WNK1: variants seen among roughly 807,000 people sequenced by gnomAD.
The protein encoded by WNK1 is WNK lysine deficient protein kinase 1.
Under a neutral mutation model 222.8 loss-of-function variants are expected in WNK1, and 38 were observed. The observed-to-expected ratio is 0.17, with a 90% CI of 0.13 to 0.22. The LOEUF is 0.22. Among genes scored for constraint, WNK1 ranks in the 10% least tolerant of loss-of-function variants. The pLI is 1.00. For missense variants in WNK1, 2,348 were observed against 2,918.4 expected, an observed-to-expected ratio of 0.80 and a Z score of 4.50; for synonymous variants, 1,090 against 1,092.9, an observed-to-expected ratio of 1.00 and a Z score of 0.05.
intron 1 of WNK1, among the ~76,000 whole-genome samples, chr12:804,077 C>T (rs571240518): frequency 6.8e-4 from 104 of 152,256 alleles, no homozygotes; most frequent in African/African-American, 2.3e-3. Context: ...CCAATAGACA[C>T]TTTTTCTCAT....
intron 1 of WNK1, among the ~76,000 whole-genome samples, chr12:755,383 T>TAAC (rs1390108803): frequency 6.6e-6 from 1 of 152,216 alleles, no homozygotes; most frequent in Non-Finnish European, 1.5e-5. Context: ...TGGAACTTAT[T>TAAC]TTATCCATGA....
At chr12:820,466 GT>G (rs3072715) in intron 2 of WNK1, among the ~76,000 whole-genome samples, 38,000 of 89,162 alleles carry the variant, frequency 0.43, 7,291 homozygotes, top group Non-Finnish European at 0.48. Flanking sequence ...ATTCTTTGGG[GT>G]TTTTTTTTTT....
intron 25 of WNK1, among the ~76,000 whole-genome samples, chr12:899,110 C>T (rs964098794): frequency 6.6e-6 from 1 of 152,100 alleles, no homozygotes. Context: ...AGTGTTAACA[C>T]AATTAGTTGA....
In WNK1 at chr12:909,340, C is replaced by T. The variant is rs1469162120; in HGVS notation, c.*548C>T. On this transcript the variant is annotated 3_prime_UTR_variant, in exon 28 of 28. Coordinates refer to ENST00000315939, the MANE Select transcript of WNK1 (RefSeq NM_018979.4). Reference sequence around the variant, plus strand: ...CCAGGGTACTGGGGTGCAACTCTTTCTTATGATAGGTCATTAGTGCTTTAA... The same window carrying T: ...CCAGGGTACTGGGGTGCAACTCTTTTTTATGATAGGTCATTAGTGCTTTAA... 1 of 154,534 alleles carries T rather than the reference C, an allele frequency of 6.5e-6. No individual in the cohort carries two copies. The highest frequency in any genetic ancestry group is 2.4e-5 in the African/African-American group (1 of 41,282). 9.6% of individuals were successfully genotyped at this position (154,534 alleles called of 1,614,324 possible).
intron 25 of WNK1, among the ~76,000 whole-genome samples, chr12:899,616 T>A (rs996795337): frequency 1.3e-5 from 2 of 152,200 alleles, no homozygotes; most frequent in Non-Finnish European, 2.9e-5. Context: ...AATTTTGACA[T>A]ACTTTTTGAG....
At chr12:771,625 C>T (rs1041615303) in intron 1 of WNK1, among the ~76,000 whole-genome samples, 4 of 151,824 alleles carry the variant, frequency 2.6e-5, no homozygotes, top group Admixed American at 6.6e-5. Flanking sequence ...AGTAGAGACA[C>T]GGTTTCACCA....
chr12:905,815 C>T (rs1372612196), intron 26 of WNK1, among the ~76,000 whole-genome samples: 2 of 152,198 alleles, frequency 1.3e-5, no homozygotes, highest in African/African-American at 4.8e-5. Flanking sequence ...CTTACTCTTC[C>T]CTTCACACTG....
At chr12:764,579 T>A (rs1402997135) in intron 1 of WNK1, among the ~76,000 whole-genome samples, 2 of 121,222 alleles carry the variant, frequency 1.6e-5, no homozygotes, top group Admixed American at 1.0e-4. Flanking sequence ...GAGGTTGTGG[T>A]GAGCCGAGAT....
At chr12:833,419 T>C (rs1948954537) in intron 4 of WNK1, among the ~76,000 whole-genome samples, 1 of 152,246 alleles carries the variant, frequency 6.6e-6, no homozygotes, top group South Asian at 2.1e-4. Flanking sequence ...ATCCAAGCAC[T>C]CTATTTTAGT....
chr12:873,363 T>A (rs1348286215), intron 9 of WNK1, among the ~76,000 whole-genome samples: 1 of 152,176 alleles, frequency 6.6e-6, no homozygotes, highest in African/African-American at 2.4e-5. Flanking sequence ...ATTAGGTAGC[T>A]ACCTCTCCAG....
chr12:887,444 A>G (rs1953773252), intron 20 of WNK1, 140 bp downstream of exon 20: 2 of 792,312 alleles, frequency 2.5e-6, no homozygotes, highest in Admixed American at 2.0e-5. Flanking sequence ...GTTATAACCA[A>G]TGACCCAGTT....
At chr12:761,177 C>G (rs1412225353) in intron 1 of WNK1, among the ~76,000 whole-genome samples, 1 of 147,684 alleles carries the variant, frequency 6.8e-6, no homozygotes, top group Non-Finnish European at 1.5e-5. Flanking sequence ...CTTAATTGAT[C>G]ATATAATATC....
chr12:851,264 A>T, intron 4 of WNK1: 4 of 656,722 alleles, frequency 6.1e-6, no homozygotes, highest in Non-Finnish European at 7.5e-6. Context: ...TACACTTTCA[A>T]AATGATTGGA....
chr12:757,333 TAAAAAAAAAAAGAGACGGAG>T (rs1940232068), intron 1 of WNK1, among the ~76,000 whole-genome samples: 1 of 71,490 alleles, frequency 1.4e-5, no homozygotes, highest in Non-Finnish European at 2.4e-5. Flanking sequence ...TTTTTTTTTT[TAAAAAAAAAAAGAGACGGAG>T]TCTTGCTCTA....
At chr12:823,584 A>G (rs982273522) in intron 2 of WNK1, among the ~76,000 whole-genome samples, 1 of 152,050 alleles carries the variant, frequency 6.6e-6, no homozygotes. Context: ...CAGCACCTCA[A>G]TTTCTACTTG....
chr12:907,894 G>C lies in WNK1; in HGVS notation c.6691G>C (p.Ala2231Pro). The C allele has an allele frequency of 6.2e-7, 1 of 1,613,990 alleles. No homozygotes were observed. The highest frequency in any genetic ancestry group is 8.5e-7 in the Non-Finnish European group (1 of 1,180,030). ...TVGATVNSQA[A>P]QAQPPAMTSS... ...TGGGGCAACAGTGAACAGCCAAGCC[G>C]CCCAAGCTCAGCCTCCTGCCATGAC... is the stretch of plus-strand genomic sequence containing the variant. Residue 2231 changes from alanine to proline, a missense_variant, in exon 27 of 28, where the codon GCC (alanine) becomes CCC (proline). Around this residue, in one of 13 missense-constraint regions of WNK1, gnomAD observed 1,144 missense variants for 1,273.6 expected, o/e 0.90. Transcript: ENST00000315939.
intron 9 of WNK1, among the ~76,000 whole-genome samples, chr12:871,730 G>A (rs568482087): frequency 1.6e-4 from 25 of 152,098 alleles, no homozygotes; most frequent in African/African-American, 2.4e-5. Flanking sequence ...AGCTTTCCAC[G>A]TAGCTGGGAC....
rs186378467 is a variant in WNK1 at position 877,654 on chromosome 12, A to G, written c.2224-558A>G. On this transcript the variant is annotated intron_variant, in intron 9 of 27. Transcript: ENST00000315939. ...TTTAATAAAATAAGCAATCTAAGGCATTAACAGCTAGTAAATATTAAAGCT... is the reference window on the plus strand; with the variant it reads ...TTTAATAAAATAAGCAATCTAAGGCGTTAACAGCTAGTAAATATTAAAGCT... Among the ~76,000 whole-genome samples the G allele has an allele frequency of 2.5e-3, 386 of 152,350 alleles. 4 individuals carry two copies. The highest frequency in any genetic ancestry group is 9.1e-3 in the African/African-American group (378 of 41,582).
chr12:897,064 GTAT>G (rs1441432312), intron 24 of WNK1, among the ~76,000 whole-genome samples: 6 of 151,878 alleles, frequency 4.0e-5, no homozygotes, highest in East Asian at 1.9e-4. Flanking sequence ...TTACTGTATT[GTAT>G]TATTATTTTT....
Sources: allele counts gnomAD v4.1 joint callset (sites outside exome capture counted in the v4.1 genomes callset), GRCh38; gene constraint gnomAD v4.1.1; regional missense constraint gnomAD v4.1.1; transcripts MANE v1.5; gene names NCBI Gene and HGNC (gene_info 2026-07-23, HGNC 2026-07-21).